OR52N5: variants seen among roughly 807,000 people sequenced by gnomAD.
OR52N5 encodes olfactory receptor family 52 subfamily N member 5, also known as olfactory receptor 52N5.
A neutral mutation model predicts 14.1 loss-of-function variants in OR52N5; 10 were observed. The observed-to-expected ratio is 0.71, with a 90% CI of 0.44 to 1.20. The LOEUF (loss-of-function observed/expected upper bound fraction) is 1.20, where lower values mean the gene tolerates loss of function less well. Among genes scored for constraint, OR52N5 ranks in the 50% most tolerant of loss-of-function variants. The probability of loss-of-function intolerance (pLI) is 0.00; values close to 1 mark genes in which losing one functional copy is unlikely to be tolerated. For missense variants in OR52N5, 361 were observed against 403.2 expected (o/e 0.90, Z 0.90); for synonymous variants, 116 against 143.0 (o/e 0.81, Z 1.35).
chr11:5,777,687 G>A lies in OR52N5; in HGVS notation c.948C>T (p.Phe316=). 6.7e-7 allele frequency: 1 copy of A among 1,490,024 alleles called. No individual in the cohort carries two copies. The highest frequency in any genetic ancestry group is 9.1e-7 in the Non-Finnish European group (1 of 1,098,604). 92.3% of individuals were successfully genotyped at this position (1,490,024 alleles called of 1,614,324 possible). A position where few individuals can be genotyped will look rare whatever the true frequency, so the allele number is the denominator to read the frequency against. The change falls in exon 3 of 3, where the codon TTC becomes TTT. Residue 316 remains phenylalanine (F), a synonymous_variant. Transcript: ENST00000641181. ...TKQIRKSVIK[F]FQGDKGAG ...AACCTGCACCCTTATCACCCTGGAAGAACTTTATGACACTCTTGCGTATCT... is the reference window on the plus strand; with the variant it reads ...AACCTGCACCCTTATCACCCTGGAAAAACTTTATGACACTCTTGCGTATCT...
Position 5,778,473 on chromosome 11 carries a change from C to A in OR52N5, c.162G>T (p.Val54=). 6.6e-7 allele frequency: 1 copy of A among 1,516,790 alleles called. No homozygotes were observed. 94.0% of individuals were successfully genotyped at this position (1,516,790 alleles called of 1,614,324 possible). ...IIFLVGNLGL[V]YLIYYEESLH... is the part of the protein sequence containing the mutation. Reference sequence around the variant, plus strand: ...AGGACTCCTCATAATAAATGAGGTACACAAGACCAAGATTCCCCACAAGGA... The same window carrying A: ...AGGACTCCTCATAATAAATGAGGTAAACAAGACCAAGATTCCCCACAAGGA... The change falls in exon 3 of 3, where the codon GTG becomes GTT. Residue 54 remains valine, a synonymous_variant. Transcript: ENST00000641181.
chr11:5,782,588 C>G (rs1205004494), intron 1 of OR52N5, among the ~76,000 whole-genome samples: 1 of 139,554 alleles, frequency 7.2e-6, no homozygotes, highest in African/African-American at 2.6e-5. Flanking sequence ...AGGCACAACC[C>G]CATCTCTCTT....
At chr11:5,782,939 T>C (rs1243349790) in intron 1 of OR52N5, among the ~76,000 whole-genome samples, 1 of 139,156 alleles carries the variant, frequency 7.2e-6, no homozygotes, top group Non-Finnish European at 1.6e-5. Flanking sequence ...CTATTTGTTT[T>C]TTCCTGATTT....
At position 5,777,157 on chromosome 11, in the gene OR52N5, A is replaced by G. The variant is rs1292071252; in HGVS notation, c.*503T>C. The G allele has an allele frequency of 1.4e-5, 2 of 140,020 alleles. 1 individual carries two copies. The highest frequency in any genetic ancestry group is 3.2e-5 in the Non-Finnish European group (2 of 63,364). 8.7% of individuals were successfully genotyped at this position (140,020 alleles called of 1,614,324 possible). ...TGTTTCCAATAAAAAGAAAAGATAAATGTTTGAGGTGATGGATATTCTAAT... is the reference window on the plus strand; with the variant it reads ...TGTTTCCAATAAAAAGAAAAGATAAGTGTTTGAGGTGATGGATATTCTAAT... On this transcript the variant is annotated 3_prime_UTR_variant, in exon 3 of 3. Transcript: ENST00000641181.
Position 5,778,165 on chromosome 11 carries a change from G to T in OR52N5, c.470C>A (p.Thr157Asn), listed in dbSNP as rs746141211. The T allele has an allele frequency of 2.3e-5, 35 of 1,521,256 alleles. 7 individuals are homozygous for T. In the South Asian group the frequency reaches 4.1e-4, roughly 18 times the overall value. The allele number at this position is 1,521,256 out of a possible 1,614,324, so 94.2% of individuals were successfully genotyped here. The change falls in exon 3 of 3, where the codon ACC (threonine) becomes AAC (asparagine). Residue 157 changes from threonine (T) to asparagine (N), a missense_variant. Physicochemically the swap from Thr to Asn is moderately conservative, Grantham distance 65. Transcript: ENST00000641181. ...CATCAGCAATACACCCCTCAGGAAG[G>T]TGGCAAGCTCAGCCTTGGCAATGAT... Reference protein sequence around the residue: ...NPIIAKAELATFLRGVLLMIP... With the variant: ...NPIIAKAELANFLRGVLLMIP...
Position 5,778,083 on chromosome 11 carries a change from G to T in OR52N5, c.552C>A (p.Ser184=). 6.6e-7 allele frequency: 1 copy of T among 1,518,994 alleles called. No individual in the cohort carries two copies. The highest frequency in any genetic ancestry group is 2.3e-5 in the East Asian group (1 of 42,882). 94.1% of individuals were successfully genotyped at this position (1,518,994 alleles called of 1,614,324 possible). The part of the protein sequence containing the change: ...RLPFCQSNII[S]HTYCDHMSVV... ...CAGACATGTGGTCGCAGTACGTATG[G>T]GAGATAATATTGCTTTGGCAGAAAG... is the stretch of plus-strand genomic sequence containing the variant. Residue 184 remains serine, a synonymous_variant, in exon 3 of 3, where the codon TCC becomes TCA. Transcript: ENST00000641181.
At chr11:5,780,719 A>C (rs1854543316) in intron 2 of OR52N5, among the ~76,000 whole-genome samples, 1 of 139,668 alleles carries the variant, frequency 7.2e-6, no homozygotes, top group Non-Finnish European at 1.6e-5. Flanking sequence ...GATGAAACAG[A>C]AAAGAAAGCC....
chr11:5,779,126 A>G (rs546238630), intron 2 of OR52N5, among the ~76,000 whole-genome samples: 1 of 140,414 alleles, frequency 7.1e-6, no homozygotes, highest in East Asian at 2.1e-4. Flanking sequence ...GGTTATTTCT[A>G]CCAAATAGCA....
intron 2 of OR52N5, among the ~76,000 whole-genome samples, chr11:5,779,867 T>A (rs1291706685): frequency 3.6e-5 from 5 of 139,394 alleles, no homozygotes; most frequent in Non-Finnish European, 7.9e-5. Context: ...ATCTTGGATA[T>A]AATTCATTTA....
At chr11:5,780,439 C>G (rs556171443) in intron 2 of OR52N5, among the ~76,000 whole-genome samples, 1 of 137,916 alleles carries the variant, frequency 7.3e-6, no homozygotes, top group South Asian at 2.4e-4. Flanking sequence ...AAATTAGAGA[C>G]TAGAAAAATA....
Position 5,777,831 on chromosome 11 carries a change from G to A in OR52N5, c.804C>T (p.Phe268=). The A allele has an allele frequency of 6.6e-6, 10 of 1,520,356 alleles. 2 individuals are homozygous for A. Among genetic ancestry groups the A allele is most frequent in the Non-Finnish European group, 9.0e-6 (10 of 1,113,966 alleles). 94.2% of individuals were successfully genotyped at this position (1,520,356 alleles called of 1,614,324 possible). A position where few individuals can be genotyped will look rare whatever the true frequency, so the allele number is the denominator to read the frequency against. Residue 268 remains phenylalanine, a synonymous_variant, in exon 3 of 3, where the codon TTC becomes TTT. Transcript: ENST00000641181. ...IITYVPAFFT[F]FAHRFGGHTI... is the part of the protein sequence containing the mutation. ...TGTGTCCCCCAAAACGGTGGGCAAA[G>A]AAAGTGAAGAATGCTGGAACATAGG... is the stretch of plus-strand genomic sequence containing the variant.
At position 5,781,715 on chromosome 11, in the gene OR52N5, C is replaced by T. The variant is rs1313484321; in HGVS notation, c.-206G>A. 7.1e-6 allele frequency: 1 copy of T among 140,100 alleles called. No homozygotes were observed. Among genetic ancestry groups the T allele is most frequent in the Non-Finnish European group, 1.6e-5 (1 of 63,380 alleles). The allele number at this position is 140,100 out of a possible 1,614,324, so 8.7% of individuals were successfully genotyped here. ...GCCTCCTCATCCCACGCTGGGCAGC[C>T]ATTTGACACAAAATACATGTAGCAT... On this transcript the variant is annotated 5_prime_UTR_variant, in exon 2 of 3. It removes an upstream start codon present in the reference 5' UTR. Coordinates refer to ENST00000641181, the MANE Select transcript of OR52N5 (RefSeq NM_001385662.1).
At position 5,776,198 on chromosome 11, in the gene OR52N5, G is replaced by C. The variant is rs1252100455; in HGVS notation, c.*1462C>G. 2 of 139,934 alleles carry C rather than the reference G, an allele frequency of 1.4e-5. 1 individual carries two copies. 8.7% of individuals were successfully genotyped at this position (139,934 alleles called of 1,614,324 possible). ...ATAGTGTGTGTGACAACCAGGAAGAGGTAATGATAAGTTCTATTTTAAGAT... is the reference window on the plus strand; with the variant it reads ...ATAGTGTGTGTGACAACCAGGAAGACGTAATGATAAGTTCTATTTTAAGAT... On this transcript the variant is annotated 3_prime_UTR_variant, in exon 3 of 3. Transcript: ENST00000641181.
In OR52N5 at chr11:5,777,517, T is replaced by G. The variant is rs1025440212; in HGVS notation, c.*143A>C. On this transcript the variant is annotated 3_prime_UTR_variant, in exon 3 of 3. Transcript: ENST00000641181. ...TATACATCCAGAATGGGCTATAAATTTCCCCAAAACAGTTTCAGAAAACAT... is the reference window on the plus strand; with the variant it reads ...TATACATCCAGAATGGGCTATAAATGTCCCCAAAACAGTTTCAGAAAACAT... 6.4e-6 allele frequency: 4 copies of G among 628,728 alleles called. No individual in the cohort carries two copies. The highest frequency in any genetic ancestry group is 9.6e-6 in the Non-Finnish European group (4 of 418,744). 38.9% of individuals were successfully genotyped at this position (628,728 alleles called of 1,614,324 possible). A position where few individuals can be genotyped will look rare whatever the true frequency, so the allele number is the denominator to read the frequency against.
At chr11:5,779,373 A>G (rs1269703995) in intron 2 of OR52N5, among the ~76,000 whole-genome samples, 1 of 139,988 alleles carries the variant, frequency 7.1e-6, no homozygotes, top group African/African-American at 2.6e-5. Flanking sequence ...AGGACTAATG[A>G]CCATAAATGT....
Position 5,783,218 on chromosome 11 carries a change from C to T in OR52N5, c.-248+77G>A, listed in dbSNP as rs1313822428. On this transcript the variant is annotated intron_variant, in intron 1 of 2. Transcript: ENST00000641181. ...TTTCTGCAAGTCAGTGTCTTTGATCCTTATGATGACACAAACTGGCTAGAA... is the reference window on the plus strand; with the variant it reads ...TTTCTGCAAGTCAGTGTCTTTGATCTTTATGATGACACAAACTGGCTAGAA... 2.9e-5 allele frequency: 4 copies of T among 139,472 alleles called. 2 individuals are homozygous for T. In the East Asian group the frequency reaches 8.3e-4, roughly 29 times the overall value. The allele number at this position is 139,472 out of a possible 1,614,324, so 8.6% of individuals were successfully genotyped here.
chr11:5,779,068 T>G (rs912284088), intron 2 of OR52N5, among the ~76,000 whole-genome samples: 2 of 140,048 alleles, frequency 1.4e-5, no homozygotes, highest in African/African-American at 2.6e-5. Flanking sequence ...GGTCCAAAAT[T>G]TCTTCAGTAA....
In OR52N5 at chr11:5,778,156, C is replaced by T. The variant is rs1854513551; in HGVS notation, c.479G>A (p.Arg160Lys). ...GAAAGGAATCATCAGCAATACACCC[C>T]TCAGGAAGGTGGCAAGCTCAGCCTT... The part of the protein sequence containing the change: ...IAKAELATFL[R>K]GVLLMIPFPF... Residue 160 changes from arginine to lysine, a missense_variant, in exon 3 of 3, where the codon AGG (arginine) becomes AAG (lysine). Coordinates refer to ENST00000641181, the MANE Select transcript of OR52N5 (RefSeq NM_001385662.1). The T allele has an allele frequency of 6.6e-7, 1 of 1,521,296 alleles. No homozygotes were observed. Among genetic ancestry groups the T allele is most frequent in the South Asian group, 1.2e-5 (1 of 85,854 alleles). 94.2% of individuals were successfully genotyped at this position (1,521,296 alleles called of 1,614,324 possible).
rs749926571 is a variant in OR52N5 at position 5,777,960 on chromosome 11, C to A, written c.675G>T (p.Leu225Phe). ...IGVFDICCIS[L>F]SYTLILKAAI... Reference sequence around the variant, plus strand: ...CTGCCTTGAGGATCAAAGTGTAAGACAAAGATATACAACAAATGTCAAACA... The same window carrying A: ...CTGCCTTGAGGATCAAAGTGTAAGAAAAAGATATACAACAAATGTCAAACA... Residue 225 changes from leucine (L) to phenylalanine (F), a missense_variant, in exon 3 of 3, where the codon TTG (leucine) becomes TTT (phenylalanine). By Grantham distance (22) the Leu-to-Phe change is conservative. Transcript: ENST00000641181. 1.3e-6 allele frequency: 2 copies of A among 1,520,278 alleles called. 1 individual carries two copies. The highest frequency in any genetic ancestry group is 2.8e-5 in the African/African-American group (2 of 70,194). The allele number at this position is 1,520,278 out of a possible 1,614,324, so 94.2% of individuals were successfully genotyped here. A position where few individuals can be genotyped will look rare whatever the true frequency, so the allele number is the denominator to read the frequency against.
Sources: gnomAD v4.1 joint callset for allele counts (sites outside exome capture counted in the v4.1 genomes callset) on GRCh38, gnomAD v4.1.1 for gene constraint, MANE v1.5 for transcripts, NCBI Gene and HGNC (gene_info 2026-07-23, HGNC 2026-07-21) for gene names.